Variants in PRMT9 observed in about 807,000 individuals in gnomAD.
PRMT9 encodes the protein protein arginine N-methyltransferase 9.
A neutral mutation model predicts 83.2 loss-of-function variants in PRMT9; 59 were observed. The ratio of observed to expected loss-of-function variants is 0.71; its 90% CI spans 0.57 to 0.88. The LOEUF (loss-of-function observed/expected upper bound fraction) is 0.88. Ranked by LOEUF, PRMT9 falls within the 40% of genes least tolerant of loss-of-function variation. PRMT9 has a pLI of 0.00. For missense variants in PRMT9, 947 were observed against 1,021.9 expected (o/e 0.93, Z 1.00); for synonymous variants, 333 against 353.2 (o/e 0.94, Z 0.64).
At chr4:147,661,106 T>C in intron 6 of PRMT9, 68 bp from the exon 7 acceptor site, 2 of 982,556 alleles carry the variant, frequency 2.0e-6, no homozygotes, top group Middle Eastern at 2.1e-4. Flanking sequence ...ACATATCTAA[T>C]ACTGAGTCCA....
chr4:147,659,035 C>A, intron 7 of PRMT9, among the ~76,000 whole-genome samples: 1 of 151,966 alleles, frequency 6.6e-6, no homozygotes, highest in East Asian at 1.9e-4. Flanking sequence ...AAAAAGTAGT[C>A]GGGCATGGTG....
At chr4:147,638,769 G>A in intron 11 of PRMT9, 22 bp from the exon 12 acceptor site, 1 of 1,557,332 alleles carries the variant, frequency 6.4e-7, no homozygotes, top group Non-Finnish European at 8.8e-7. Context: ...AAGAAATTAG[G>A]AAAATATCAG....
chr4:147,670,395 T>C (rs2126627928), intron 5 of PRMT9, among the ~76,000 whole-genome samples: 1 of 152,180 alleles, frequency 6.6e-6, no homozygotes, highest in Middle Eastern at 3.4e-3. Flanking sequence ...GTAAGGCTGG[T>C]CTCGAACTCC....
At chr4:147,647,426 A>G (rs1733801420) in intron 9 of PRMT9, among the ~76,000 whole-genome samples, 1 of 152,124 alleles carries the variant, frequency 6.6e-6, no homozygotes, top group Non-Finnish European at 1.5e-5. Flanking sequence ...CCAGTCCACC[A>G]AATTATCTTT....
chr4:147,650,833 T>G (rs1214679624), intron 9 of PRMT9, among the ~76,000 whole-genome samples: 1 of 152,172 alleles, frequency 6.6e-6, no homozygotes, highest in Admixed American at 6.5e-5. Flanking sequence ...GCGGGCACGG[T>G]GGCTCATGCC....
intron 2 of PRMT9, among the ~76,000 whole-genome samples, chr4:147,674,694 T>C (rs1735950721): frequency 6.6e-6 from 1 of 152,244 alleles, no homozygotes; most frequent in African/African-American, 2.4e-5. Flanking sequence ...ATGATTCATA[T>C]GGAGCTCACG....
intron 6 of PRMT9, among the ~76,000 whole-genome samples, chr4:147,662,043 A>G (rs1734999494): frequency 6.6e-6 from 1 of 152,188 alleles, no homozygotes; most frequent in Non-Finnish European, 1.5e-5. Flanking sequence ...GTCAACAGAA[A>G]TTAATACATA....
At chr4:147,676,983 G>A (rs915295951) in intron 2 of PRMT9, among the ~76,000 whole-genome samples, 14 of 149,822 alleles carry the variant, frequency 9.3e-5, no homozygotes, top group Admixed American at 2.0e-4. Context: ...GGCGGAGGTT[G>A]CAGTGAGCTG....
At position 147,654,224 on chromosome 4, in the gene PRMT9, T is replaced by C; in HGVS notation, c.1673A>G (p.Asp558Gly). 1.2e-6 allele frequency: 2 copies of C among 1,614,086 alleles called. No homozygotes were observed. Among genetic ancestry groups the C allele is most frequent in the African/African-American group, 1.3e-5 (1 of 75,050 alleles). ...LTPEKLYQTM[D>G]THCQNEMSSG... ...GCTCATCTCATTCTGACAGTGAGTA[T>C]CCATGGTCTGATACAGTTTCTCTGG... Residue 558 changes from aspartate to glycine, a missense_variant, in exon 9 of 12, where the codon GAT (aspartate) becomes GGT (glycine). Coordinates refer to ENST00000322396, the MANE Select transcript of PRMT9 (RefSeq NM_138364.4).
At position 147,678,453 on chromosome 4, in the gene PRMT9, T is replaced by C. The variant is rs570636720; in HGVS notation, c.338+1870A>G. Among the ~76,000 whole-genome samples the C allele has an allele frequency of 1.6e-4, 24 of 152,330 alleles. No individual in the cohort carries two copies. The South Asian group carries it at 5.0e-3, about 32-fold the overall frequency. ...ACCATTCATTTTATTTCCTGTACTT[T>C]CACAGAATTCTTCACGCACATGTAC... On this transcript the variant is annotated intron_variant, in intron 2 of 11. Transcript: ENST00000322396.
intron 2 of PRMT9, among the ~76,000 whole-genome samples, chr4:147,680,110 G>C (rs1341199962): frequency 6.6e-6 from 1 of 152,080 alleles, no homozygotes; most frequent in Admixed American, 6.6e-5. Context: ...CTCTTCCTTG[G>C]ATATTCTGTC....
intron 9 of PRMT9, among the ~76,000 whole-genome samples, chr4:147,651,437 A>C (rs1018092081): frequency 6.6e-6 from 1 of 152,240 alleles, no homozygotes; most frequent in Non-Finnish European, 1.5e-5. Flanking sequence ...TGATCAAAAG[A>C]GTGAAAAGGC....
Position 147,642,952 on chromosome 4 carries a change from A to T in PRMT9, c.2046-12T>A. The T allele has an allele frequency of 6.2e-7, 1 of 1,613,458 alleles. No homozygotes were observed. Among genetic ancestry groups the T allele is most frequent in the Non-Finnish European group, 8.5e-7 (1 of 1,179,490 alleles). On this transcript the variant is annotated splice_polypyrimidine_tract_variant and intron_variant, in intron 9 of 11. Coordinates refer to ENST00000322396, the MANE Select transcript of PRMT9 (RefSeq NM_138364.4). The stretch of plus-strand genomic sequence containing the variant: ...ATTGTAGTAAACACCTAAGAAAAAA[A>T]GTACATATTTTAAAAAGCTCTTGGG...
At chr4:147,649,256 A>T (rs2126583750) in intron 9 of PRMT9, among the ~76,000 whole-genome samples, 1 of 152,012 alleles carries the variant, frequency 6.6e-6, no homozygotes, top group Non-Finnish European at 1.5e-5. Flanking sequence ...TGTAAAAAAA[A>T]CCCACTCCCA....
At chr4:147,679,990 A>G (rs77223060) in intron 2 of PRMT9, among the ~76,000 whole-genome samples, 5,075 of 152,176 alleles carry the variant, frequency 0.033, 216 homozygotes, top group East Asian at 0.22. Context: ...TCCAGAAAAC[A>G]AATTTACAAG....
At position 147,657,810 on chromosome 4, in the gene PRMT9, G is replaced by T; in HGVS notation, c.1312C>A (p.Pro438Thr). ...GACCTACCTGCAAGGTCCTGTACGG[G>T]GTAGACAGCCTGTTCCCAACATGTT... ...EETCWEQAVY[P>T]VQDLADYWIK... Residue 438 changes from proline (P) to threonine (T), a missense_variant, in exon 8 of 12, where the codon CCC becomes ACC. Coordinates refer to ENST00000322396, the MANE Select transcript of PRMT9 (RefSeq NM_138364.4). The T allele has an allele frequency of 6.2e-7, 1 of 1,611,942 alleles. No individual in the cohort carries two copies. Among genetic ancestry groups the T allele is most frequent in the Non-Finnish European group, 8.5e-7 (1 of 1,179,598 alleles).
chr4:147,673,767 A>G lies in PRMT9; in HGVS notation c.446T>C (p.Val149Ala). 1 of 1,614,112 alleles carries G rather than the reference A, an allele frequency of 6.2e-7. No individual in the cohort carries two copies. Among genetic ancestry groups the G allele is most frequent in the South Asian group, 1.1e-5 (1 of 91,078 alleles). ...AAGCATGATAAAGTGCCAGCGTTCC[A>G]CCAACCAGTTTGCAACACGATAAAA... is the stretch of plus-strand genomic sequence containing the variant. ...ENFYRVANWL[V>A]ERWHFIMLND... is the part of the protein sequence containing the mutation. The change falls in exon 3 of 12, where the codon GTG becomes GCG. Residue 149 changes from valine (V) to alanine (A), a missense_variant. By Grantham distance (64) the Val-to-Ala change is moderately conservative. Coordinates refer to ENST00000322396, the MANE Select transcript of PRMT9 (RefSeq NM_138364.4).
chr4:147,638,578 C>A lies in PRMT9; in HGVS notation c.2492G>T (p.Ser831Ile). The change falls in exon 12 of 12, where the codon AGC becomes ATC. Residue 831 changes from serine to isoleucine, a missense_variant. Ser to Ile is a moderately radical substitution (Grantham distance 142). Coordinates refer to ENST00000322396, the MANE Select transcript of PRMT9 (RefSeq NM_138364.4). ...QVEMGEELVL[S>I]IQHHKSNVSI... Reference sequence around the variant, plus strand: ...GACATTGCTTTTGTGATGCTGAATGCTGAGTACAAGTTCCTCTCCCATTTC... The same window carrying A: ...GACATTGCTTTTGTGATGCTGAATGATGAGTACAAGTTCCTCTCCCATTTC... 6.2e-7 allele frequency: 1 copy of A among 1,613,850 alleles called. No individual in the cohort carries two copies. Among genetic ancestry groups the A allele is most frequent in the Non-Finnish European group, 8.5e-7 (1 of 1,179,864 alleles).
chr4:147,653,876 A>C lies in PRMT9; in HGVS notation c.2021T>G (p.Ile674Arg). The change falls in exon 9 of 12, where the codon ATA becomes AGA. Residue 674 changes from isoleucine (I) to arginine (R), a missense_variant. Transcript: ENST00000322396. ...CCTGGATATTGCAGCTTTTTCCATT[A>C]TTTCCTGCTGAATGAGCCCAGATGG... The part of the protein sequence containing the change: ...IEPSGLIQQE[I>R]MEKAAISRCL... The C allele has an allele frequency of 6.2e-7, 1 of 1,613,568 alleles. No homozygotes were observed. The highest frequency in any genetic ancestry group is 8.5e-7 in the Non-Finnish European group (1 of 1,179,766).
Sources: gnomAD v4.1 joint callset for allele counts (sites outside exome capture counted in the v4.1 genomes callset) on GRCh38, gnomAD v4.1.1 for gene constraint, MANE v1.5 for transcripts, NCBI Gene and HGNC (gene_info 2026-07-23, HGNC 2026-07-21) for gene names.